The following BORCS5 variants were observed in gnomAD, a reference collection of about 807,000 sequenced individuals.
The protein encoded by BORCS5 is BLOC-1 related complex subunit 5, also known as BLOC-1-related complex subunit 5.
BORCS5 carries 17 observed loss-of-function variants against 22.1 expected under a neutral mutation model. That is an observed-to-expected ratio of 0.77 (90% CI 0.53 to 1.15). BORCS5 has a LOEUF of 1.15. Ranked by LOEUF, BORCS5 falls within the 50% of genes most tolerant of loss-of-function variation. The pLI, the probability that BORCS5 is intolerant of heterozygous loss-of-function variation, is 0.00. For synonymous variants in BORCS5, 117 were observed against 99.8 expected (o/e 1.17, Z -1.03); for missense variants, 247 against 253.2 (o/e 0.98, Z 0.17).
intron 2 of BORCS5, among the ~76,000 whole-genome samples, chr12:12,378,388 G>A (rs1175711605): frequency 1.3e-5 from 2 of 152,038 alleles, no homozygotes; most frequent in Non-Finnish European, 2.9e-5. Flanking sequence ...AATACATAAA[G>A]TCTACTACAA....
intron 2 of BORCS5, among the ~76,000 whole-genome samples, chr12:12,423,816 G>A (rs571105801): frequency 6.6e-6 from 1 of 152,160 alleles, no homozygotes; most frequent in African/African-American, 2.4e-5. Flanking sequence ...AGCCTCCCAA[G>A]TAGCTGGGAC....
intron 3 of BORCS5, among the ~76,000 whole-genome samples, chr12:12,463,929 C>G (rs2136164193): frequency 6.6e-6 from 1 of 152,196 alleles, no homozygotes; most frequent in South Asian, 2.1e-4. Flanking sequence ...GGTGGAGGGC[C>G]AGGAATGCCC....
chr12:12,434,215 C>T (rs946155985), intron 2 of BORCS5, among the ~76,000 whole-genome samples: 8 of 139,908 alleles, frequency 5.7e-5, no homozygotes, highest in African/African-American at 2.2e-4. Context: ...TCCAGGAGGT[C>T]GAGGTTGCAG....
At chr12:12,415,837 C>T (rs1480451366) in intron 2 of BORCS5, among the ~76,000 whole-genome samples, 1 of 152,014 alleles carries the variant, frequency 6.6e-6, no homozygotes, top group Non-Finnish European at 1.5e-5. Flanking sequence ...TAATGCTGCC[C>T]TCATAGATGA....
At chr12:12,380,560 T>C (rs11054864) in intron 2 of BORCS5, among the ~76,000 whole-genome samples, 10,367 of 151,618 alleles carry the variant, frequency 0.068, 796 homozygotes, top group Non-Finnish European at 0.098. Flanking sequence ...TTGCCTGTTA[T>C]GAATAATGCT....
At chr12:12,451,731 ATACTAAAAGTACTTTTTTTG>A (rs1237818831) in intron 3 of BORCS5, among the ~76,000 whole-genome samples, 11 of 117,868 alleles carry the variant, frequency 9.3e-5, no homozygotes, top group African/African-American at 4.3e-4. Flanking sequence ...TGTACTAAAA[ATACTAAAAGTACTTTTTTTG>A]TACTAAAAGT....
intron 2 of BORCS5, among the ~76,000 whole-genome samples, chr12:12,370,074 C>G (rs145444593): frequency 6.8e-6 from 1 of 147,818 alleles, no homozygotes; most frequent in African/African-American, 2.5e-5. Flanking sequence ...CATCTACATA[C>G]GTTAGAAATC....
chr12:12,437,908 T>G (rs1028948455), intron 3 of BORCS5, among the ~76,000 whole-genome samples: 1 of 152,010 alleles, frequency 6.6e-6, no homozygotes, highest in Non-Finnish European at 1.5e-5. Context: ...GGACTACAGG[T>G]GTATGCCATC....
intron 2 of BORCS5, among the ~76,000 whole-genome samples, chr12:12,381,717 G>T (rs1039131691): frequency 6.6e-6 from 1 of 151,444 alleles, no homozygotes; most frequent in Non-Finnish European, 1.5e-5. Flanking sequence ...TTTGTGAAAG[G>T]TATAAACCAT....
chr12:12,453,484 T>C (rs1251018458), intron 3 of BORCS5, among the ~76,000 whole-genome samples: 1 of 152,178 alleles, frequency 6.6e-6, no homozygotes, highest in East Asian at 1.9e-4. Context: ...GCCACTTTCA[T>C]AGTGCCTAGT....
At chr12:12,396,447 G>C (rs1221945064) in intron 2 of BORCS5, among the ~76,000 whole-genome samples, 3 of 152,196 alleles carry the variant, frequency 2.0e-5, no homozygotes, top group Admixed American at 1.3e-4. Flanking sequence ...CGGAGGGTGG[G>C]GTGGGTAGAG....
At chr12:12,426,072 A>G (rs1942279929) in intron 2 of BORCS5, among the ~76,000 whole-genome samples, 1 of 152,234 alleles carries the variant, frequency 6.6e-6, no homozygotes, top group Admixed American at 6.5e-5. Flanking sequence ...AGACTCCCTC[A>G]ACATCACACA....
chr12:12,444,304 G>A (rs961766975), intron 3 of BORCS5, among the ~76,000 whole-genome samples: 1 of 152,204 alleles, frequency 6.6e-6, no homozygotes, highest in African/African-American at 2.4e-5. Flanking sequence ...AAGTTTATTT[G>A]TTGCTCTTGT....
At chr12:12,389,484 T>A (rs1863955035) in intron 2 of BORCS5, among the ~76,000 whole-genome samples, 3 of 151,664 alleles carry the variant, frequency 2.0e-5, no homozygotes, top group Admixed American at 1.3e-4. Flanking sequence ...ATTAGTTTTA[T>A]ATACCTCTGC....
intron 2 of BORCS5, among the ~76,000 whole-genome samples, chr12:12,372,237 G>T (rs953778311): frequency 4.6e-5 from 7 of 152,100 alleles, no homozygotes; most frequent in African/African-American, 1.4e-4. Flanking sequence ...ACGGGGTTTC[G>T]CCATGTTGGC....
chr12:12,413,038 G>A (rs1225407916), intron 2 of BORCS5, among the ~76,000 whole-genome samples: 1 of 139,594 alleles, frequency 7.2e-6, no homozygotes, highest in Admixed American at 7.1e-5. Flanking sequence ...GTTTTCCTAG[G>A]CAGAGGACCC....
chr12:12,394,068 G>A (rs1034781615), intron 2 of BORCS5, among the ~76,000 whole-genome samples: 2 of 151,946 alleles, frequency 1.3e-5, no homozygotes, highest in Non-Finnish European at 2.9e-5. Flanking sequence ...GCTCATGCCT[G>A]TAATTCCAGC....
At chr12:12,377,362 T>G (rs1490738893) in intron 2 of BORCS5, among the ~76,000 whole-genome samples, 1 of 151,956 alleles carries the variant, frequency 6.6e-6, no homozygotes, top group Non-Finnish European at 1.5e-5. Flanking sequence ...GTATTTTTAG[T>G]AGAGATGGTT....
chr12:12,427,117 C>T (rs1309829761), intron 2 of BORCS5, among the ~76,000 whole-genome samples: 1 of 151,146 alleles, frequency 6.6e-6, no homozygotes, highest in Non-Finnish European at 1.5e-5. Context: ...CACTAACGCA[C>T]ATCACAAAAT....
Sources: gnomAD v4.1 joint callset for allele counts (sites outside exome capture counted in the v4.1 genomes callset) on GRCh38, gnomAD v4.1.1 for gene constraint, MANE v1.5 for transcripts, NCBI Gene and HGNC (gene_info 2026-07-23, HGNC 2026-07-21) for gene names.